TRIM9: variants seen among roughly 807,000 people sequenced by gnomAD.
TRIM9 encodes the protein tripartite motif containing 9.
Under a neutral mutation model 78.3 loss-of-function variants are expected in TRIM9, and 26 were observed. The observed-to-expected ratio is 0.33, with a 90% CI of 0.24 to 0.46. The LOEUF is 0.46. Ranked by LOEUF, TRIM9 falls within the 20% of genes least tolerant of loss-of-function variation. TRIM9 has a pLI of 1.00. For synonymous variants in TRIM9, 398 were observed against 416.5 expected (o/e 0.96, Z 0.54); for missense variants, 787 against 1,036.4 (o/e 0.76, Z 3.30).
At chr14:51,023,043 G>C in intron 2 of TRIM9, 86 bp from the exon 3 acceptor site, 1 of 1,561,386 alleles carries the variant, frequency 6.4e-7, no homozygotes, top group Non-Finnish European at 8.6e-7. Flanking sequence ...TCCTGCTGAA[G>C]GGAATGAAAA....
At chr14:51,050,956 C>T (rs907704552) in intron 1 of TRIM9, among the ~76,000 whole-genome samples, 1 of 152,184 alleles carries the variant, frequency 6.6e-6, no homozygotes, top group Admixed American at 6.5e-5. Flanking sequence ...CGGGAGACTC[C>T]AACAGAACCA....
intron 7 of TRIM9, among the ~76,000 whole-genome samples, chr14:50,994,920 G>A (rs565361530): frequency 5.3e-5 from 8 of 152,316 alleles, no homozygotes; most frequent in African/African-American, 1.4e-4. Context: ...TGCAACTGGC[G>A]TTTTTTCCAT....
chr14:51,052,880 A>G (rs1196053293), intron 1 of TRIM9, among the ~76,000 whole-genome samples: 1 of 152,164 alleles, frequency 6.6e-6, no homozygotes, highest in Non-Finnish European at 1.5e-5. Context: ...CATTAGGCCA[A>G]GCATGGTGGC....
chr14:51,008,995 T>G, intron 5 of TRIM9, 85 bp downstream of exon 5: 1 of 1,386,776 alleles, frequency 7.2e-7, no homozygotes, highest in Non-Finnish European at 1.0e-6. Flanking sequence ...TCTTGTTACA[T>G]TAGCCAAAGG....
At chr14:50,987,320 G>C (rs1340139110) in intron 7 of TRIM9, among the ~76,000 whole-genome samples, 1 of 152,208 alleles carries the variant, frequency 6.6e-6, no homozygotes, top group East Asian at 1.9e-4. Context: ...GAGCACGTGT[G>C]TGTGCAGAAT....
intron 1 of TRIM9, among the ~76,000 whole-genome samples, chr14:51,034,600 C>T (rs1379499019): frequency 1.3e-5 from 2 of 152,052 alleles, no homozygotes; most frequent in South Asian, 2.1e-4. Flanking sequence ...AGTTTCACCT[C>T]GGGAAACAGG....
At chr14:50,987,316 G>A (rs1247372383) in intron 7 of TRIM9, among the ~76,000 whole-genome samples, 5 of 152,182 alleles carry the variant, frequency 3.3e-5, no homozygotes, top group African/African-American at 9.7e-5. Flanking sequence ...ACTGGAGCAC[G>A]TGTGTGTGCA....
rs561617234 is a variant in TRIM9 at position 50,982,185 on chromosome 14, A to G, written c.1859-82T>C. ...ATAACATACTCCTGGGCGGGTGAGG[A>G]GCGTTGTGTAGCGTTTTCATGCTGC... On this transcript the variant is annotated intron_variant, in intron 10 of 12. Coordinates refer to ENST00000684578, the MANE Select transcript of TRIM9 (RefSeq NM_001387360.1). 2.0e-6 allele frequency: 3 copies of G among 1,486,054 alleles called. No homozygotes were observed. The South Asian group carries it at 3.9e-5, about 19-fold the overall frequency. 92.1% of individuals were successfully genotyped at this position (1,486,054 alleles called of 1,614,324 possible).
At chr14:51,092,057 G>A (rs1436025164) in intron 1 of TRIM9, among the ~76,000 whole-genome samples, 1 of 152,156 alleles carries the variant, frequency 6.6e-6, no homozygotes, top group African/African-American at 2.4e-5. Context: ...TTTCCTGACA[G>A]AGTGATTAAT....
intron 1 of TRIM9, among the ~76,000 whole-genome samples, chr14:51,059,915 C>T (rs558174829): frequency 2.6e-4 from 40 of 152,234 alleles, no homozygotes; most frequent in African/African-American, 9.4e-4. Flanking sequence ...AGAATATTGG[C>T]TACTACCACG....
At chr14:50,979,291 T>C in intron 12 of TRIM9, 96 bp downstream of exon 12, 1 of 1,603,238 alleles carries the variant, frequency 6.2e-7, no homozygotes, top group Non-Finnish European at 8.5e-7. Flanking sequence ...CCTTACGCTG[T>C]CAGCTTCCCT....
chr14:51,005,612 C>G (rs967399576), intron 5 of TRIM9, among the ~76,000 whole-genome samples: 1 of 152,114 alleles, frequency 6.6e-6, no homozygotes, highest in African/African-American at 2.4e-5. Context: ...TTCCTATGAC[C>G]TGGAAAAGAG....
chr14:50,993,472 G>A (rs1226186416), intron 7 of TRIM9, among the ~76,000 whole-genome samples: 1 of 151,750 alleles, frequency 6.6e-6, no homozygotes, highest in East Asian at 1.9e-4. Context: ...AGGTTCAAGT[G>A]ATTCTCCTGC....
At chr14:50,991,523 A>G (rs1365089348) in intron 7 of TRIM9, among the ~76,000 whole-genome samples, 1 of 152,178 alleles carries the variant, frequency 6.6e-6, no homozygotes, top group Non-Finnish European at 1.5e-5. Flanking sequence ...TGGGTCAGGA[A>G]AAGCAGAGAC....
intron 1 of TRIM9, among the ~76,000 whole-genome samples, chr14:51,087,206 G>A (rs149111943): frequency 1.7e-3 from 256 of 152,092 alleles, no homozygotes; most frequent in Non-Finnish European, 2.8e-3. Context: ...GAGGGCAAGC[G>A]TAGTGGACAG....
At chr14:50,983,510 T>C in intron 8 of TRIM9, 89 bp from the exon 9 acceptor site, 1 of 980,696 alleles carries the variant, frequency 1.0e-6, no homozygotes, top group Non-Finnish European at 1.5e-6. Flanking sequence ...ACCAGTTGAA[T>C]ATAGATACCA....
chr14:51,039,428 T>G (rs1333843754), intron 1 of TRIM9, among the ~76,000 whole-genome samples: 1 of 152,230 alleles, frequency 6.6e-6, no homozygotes, highest in East Asian at 1.9e-4. Context: ...ACCGTGTGTA[T>G]TCACGCGATT....
intron 3 of TRIM9, 68 bp downstream of exon 3, chr14:51,022,767 C>A: frequency 6.3e-7 from 1 of 1,597,414 alleles, no homozygotes; most frequent in South Asian, 1.1e-5. Flanking sequence ...ATTCTCCCAG[C>A]CTGTCCATCA....
In TRIM9 at chr14:50,981,709, T is replaced by C. The variant is rs530326056; in HGVS notation, c.2162+91A>G. ...TAGACCACCTGTTTGATTTCCTGAA[T>C]GTGGTCTATGTAATAGGTTTTTGAA... On this transcript the variant is annotated intron_variant, in intron 11 of 12. Coordinates refer to ENST00000684578, the MANE Select transcript of TRIM9 (RefSeq NM_001387360.1). The C allele has an allele frequency of 4.2e-4, 625 of 1,503,796 alleles. 6 individuals are homozygous for C. In the African/African-American group the frequency reaches 7.3e-3, roughly 18 times the overall value. The allele number at this position is 1,503,796 out of a possible 1,614,324, so 93.2% of individuals were successfully genotyped here. A position where few individuals can be genotyped will look rare whatever the true frequency, so the allele number is the denominator to read the frequency against.
Sources: allele counts gnomAD v4.1 joint callset (sites outside exome capture counted in the v4.1 genomes callset), GRCh38; gene constraint gnomAD v4.1.1; transcripts MANE v1.5; gene names NCBI Gene and HGNC (gene_info 2026-07-23, HGNC 2026-07-21).